Variants in MICU3 observed in about 807,000 individuals in gnomAD.
MICU3 encodes the protein mitochondrial calcium uptake 3.
A neutral mutation model predicts 66.5 loss-of-function variants in MICU3; 62 were observed. The ratio of observed to expected loss-of-function variants is 0.93; its 90% confidence interval spans 0.76 to 1.15. The LOEUF is 1.15. MICU3 is among the 50% of genes most tolerant of loss of function. MICU3 has a pLI of 0.00. For missense variants in MICU3, 779 were observed against 664.4 expected (o/e 1.17, Z -1.90); for synonymous variants, 308 against 240.7 (o/e 1.28, Z -2.59).
chr8:17,089,578 C>A (rs1799825213), intron 7 of MICU3, among the ~76,000 whole-genome samples: 1 of 152,016 alleles, frequency 6.6e-6, no homozygotes, highest in Admixed American at 6.6e-5. Flanking sequence ...ATATGAATTA[C>A]ATAAGAGAGA....
intron 1 of MICU3, among the ~76,000 whole-genome samples, chr8:17,048,169 T>G (rs1463694126): frequency 6.6e-6 from 1 of 152,174 alleles, no homozygotes; most frequent in East Asian, 1.9e-4. Context: ...AAGCAAAACC[T>G]AGAATGGAAA....
intron 12 of MICU3, among the ~76,000 whole-genome samples, chr8:17,115,881 G>A (rs570908134): frequency 2.0e-5 from 3 of 151,970 alleles, no homozygotes; most frequent in East Asian, 1.9e-4. Context: ...CCACCTCCCC[G>A]CCTGCCTTGG....
rs1818330665 is a variant in MICU3, at chr8:17,064,240, A to G, written c.535+3A>G. On this transcript the variant is annotated splice_donor_region_variant and intron_variant, in intron 2 of 14. Coordinates refer to ENST00000318063, the MANE Select transcript of MICU3 (RefSeq NM_181723.3). ...TGTTACAACAGATGAGCCCAAAGGT[A>G]AGTACACTTTTGAAATTATCTTAAT... 1 of 1,602,376 alleles carries G rather than the reference A, an allele frequency of 6.2e-7. No individual in the cohort carries two copies. The highest frequency in any genetic ancestry group is 2.2e-5 in the East Asian group (1 of 44,698).
chr8:17,085,202 A>T, intron 5 of MICU3, 34 bp from the exon 6 acceptor site: 1 of 1,474,658 alleles, frequency 6.8e-7, no homozygotes, highest in Non-Finnish European at 9.4e-7. Context: ...ACATTTTTCC[A>T]TTTTGTGAAT....
chr8:17,110,112 A>T (rs1327418929), intron 11 of MICU3, among the ~76,000 whole-genome samples: 1 of 152,238 alleles, frequency 6.6e-6, no homozygotes, highest in African/African-American at 2.4e-5. Flanking sequence ...GCTGAAAACA[A>T]ACATGGCTTA....
chr8:17,029,141 A>G (rs1160916467), intron 1 of MICU3, among the ~76,000 whole-genome samples: 2 of 152,230 alleles, frequency 1.3e-5, no homozygotes, highest in African/African-American at 4.8e-5. Flanking sequence ...GAGTTAACAC[A>G]GTATATTTAA....
At chr8:17,028,930 C>G (rs536629305) in intron 1 of MICU3, among the ~76,000 whole-genome samples, 1 of 152,166 alleles carries the variant, frequency 6.6e-6, no homozygotes, top group African/African-American at 2.4e-5. Flanking sequence ...ATTTTCTTTT[C>G]TTTCTTAAAA....
intron 1 of MICU3, among the ~76,000 whole-genome samples, chr8:17,058,299 A>G (rs1460998355): frequency 6.6e-6 from 1 of 152,176 alleles, no homozygotes; most frequent in Non-Finnish European, 1.5e-5. Context: ...GTAAGCAAAA[A>G]AGGTATTTAA....
intron 1 of MICU3, among the ~76,000 whole-genome samples, chr8:17,051,181 A>G (rs1288244157): frequency 1.3e-5 from 2 of 151,918 alleles, no homozygotes; most frequent in Non-Finnish European, 2.9e-5. Context: ...GAAGTCAGCT[A>G]CAGTATTAGT....
At chr8:17,043,349 C>T (rs944016031) in intron 1 of MICU3, among the ~76,000 whole-genome samples, 1 of 152,172 alleles carries the variant, frequency 6.6e-6, no homozygotes, top group Non-Finnish European at 1.5e-5. Context: ...AAAATAATAT[C>T]ATCTAAACCT....
chr8:17,126,202 G>A (rs1284993034), downstream of MICU3, among the ~76,000 whole-genome samples: 3 of 152,020 alleles, frequency 2.0e-5, no homozygotes, highest in African/African-American at 7.2e-5. Context: ...AACCTTGAGA[G>A]GTACCTGAAT....
chr8:17,047,766 C>G (rs559914789), intron 1 of MICU3, among the ~76,000 whole-genome samples: 1 of 152,196 alleles, frequency 6.6e-6, no homozygotes, highest in South Asian at 2.1e-4. Context: ...TCATAAGAGA[C>G]TGAGAGTTTA....
the MICU3 span, among the ~76,000 whole-genome samples, chr8:17,136,325 A>T: frequency 2.0e-5 from 3 of 152,072 alleles, no homozygotes; most frequent in African/African-American, 4.8e-5. Context: ...TCATTATTTT[A>T]TTGTAAAGCG....
intron 12 of MICU3, among the ~76,000 whole-genome samples, chr8:17,114,588 AT>A (rs1802509061): frequency 6.6e-6 from 1 of 152,154 alleles, no homozygotes; most frequent in South Asian, 2.1e-4. Context: ...GTTTTGCATA[AT>A]TTTCAAATAA....
chr8:17,085,447 A>G (rs1799370614), intron 6 of MICU3, 129 bp downstream of exon 6: 2 of 530,286 alleles, frequency 3.8e-6, no homozygotes, highest in Non-Finnish European at 6.8e-6. Context: ...CCTTTACTTA[A>G]TAAAGTATAA....
At chr8:17,107,074 T>C (rs371515733) in intron 11 of MICU3, among the ~76,000 whole-genome samples, 13 of 152,280 alleles carry the variant, frequency 8.5e-5, no homozygotes, top group Admixed American at 2.6e-4. Context: ...ATCTACTATT[T>C]ACTTGGCTTT....
At chr8:17,128,693 CTG>C in the MICU3 span, among the ~76,000 whole-genome samples, 1 of 152,178 alleles carries the variant, frequency 6.6e-6, no homozygotes. Flanking sequence ...TGGTGGAACT[CTG>C]CATTCAGTGG....
chr8:17,027,640 G>T lies in MICU3; in HGVS notation c.361G>T (p.Val121Leu). 2 of 1,304,338 alleles carry T rather than the reference G, an allele frequency of 1.5e-6. No individual in the cohort carries two copies. The highest frequency in any genetic ancestry group is 3.1e-5 in the East Asian group (1 of 32,116). 80.8% of individuals were successfully genotyped at this position (1,304,338 alleles called of 1,614,324 possible). A position where few individuals can be genotyped will look rare whatever the true frequency, so the allele number is the denominator to read the frequency against. ...CGGCCGGGGGATGCTGCCCATCCCAGTGGCGGCTGCCAAGGAGACGGTGAG... is the reference window on the plus strand; with the variant it reads ...CGGCCGGGGGATGCTGCCCATCCCATTGGCGGCTGCCAAGGAGACGGTGAG... Reference protein sequence around the residue: ...PRGRGMLPIPVAAAKETVAIG... With the variant: ...PRGRGMLPIPLAAAKETVAIG... The change falls in exon 1 of 15, where the codon GTG (valine) becomes TTG (leucine). Residue 121 changes from valine to leucine, a missense_variant. Coordinates refer to ENST00000318063, the MANE Select transcript of MICU3 (RefSeq NM_181723.3).
rs1013913481 is a variant in MICU3, at chr8:17,091,231, G to C, written c.888+647G>C. 2.0e-5 allele frequency among the ~76,000 whole-genome samples: 3 copies of C among 152,034 alleles called. No homozygotes were observed. The South Asian group carries it at 6.2e-4, about 32-fold the overall frequency. ...AGTTGTACCCTTCTTCTTATGCTGAGCTTTCTTCTTTCTTTTCTCCTGAGA... is the reference window on the plus strand; with the variant it reads ...AGTTGTACCCTTCTTCTTATGCTGACCTTTCTTCTTTCTTTTCTCCTGAGA... On this transcript the variant is annotated intron_variant, in intron 8 of 14. Transcript: ENST00000318063.
Sources: gnomAD v4.1 joint callset for allele counts (sites outside exome capture counted in the v4.1 genomes callset) on GRCh38, gnomAD v4.1.1 for gene constraint, MANE v1.5 for transcripts, NCBI Gene and HGNC (gene_info 2026-07-23, HGNC 2026-07-21) for gene names.